The following DZANK1 variants were observed in gnomAD, a reference collection of about 807,000 sequenced individuals.
DZANK1 encodes the protein double zinc ribbon and ankyrin repeat-containing protein 1.
A neutral mutation model predicts 94.5 loss-of-function variants in DZANK1; 91 were observed. That is an observed-to-expected ratio of 0.96 (90% confidence interval 0.81 to 1.15). The LOEUF (loss-of-function observed/expected upper bound fraction) is 1.15. DZANK1 is among the 50% of genes most tolerant of loss of function. The probability of loss-of-function intolerance (pLI) is 0.00; values close to 1 mark genes in which losing one functional copy is unlikely to be tolerated. For synonymous variants in DZANK1, 312 were observed against 325.3 expected (o/e 0.96, Z 0.44); for missense variants, 903 against 916.4 (o/e 0.99, Z 0.19).
At chr20:18,428,415 C>T (rs1378699099) in intron 9 of DZANK1, among the ~76,000 whole-genome samples, 1 of 152,010 alleles carries the variant, frequency 6.6e-6, no homozygotes, top group African/African-American at 2.4e-5. Context: ...TCTCAAACTC[C>T]TGGCCTCGTG....
chr20:18,390,345 C>A, intron 18 of DZANK1, 34 bp downstream of exon 18: 1 of 1,601,014 alleles, frequency 6.2e-7, no homozygotes, highest in Non-Finnish European at 8.6e-7. Context: ...AGGCTGAACT[C>A]TTCAGAGAGA....
chr20:18,426,095 A>G (rs1179258154), intron 10 of DZANK1, among the ~76,000 whole-genome samples: 2 of 152,202 alleles, frequency 1.3e-5, no homozygotes, highest in Non-Finnish European at 2.9e-5. Context: ...GACTGTACTT[A>G]TCTGTGGCTT....
chr20:18,437,443 G>A (rs2058565558), intron 8 of DZANK1, among the ~76,000 whole-genome samples: 1 of 152,070 alleles, frequency 6.6e-6, no homozygotes, highest in African/African-American at 2.4e-5. Flanking sequence ...GCTGGGCATG[G>A]TGGTGCACAC....
At chr20:18,393,629 T>C in intron 17 of DZANK1, 82 bp downstream of exon 17, 1 of 885,072 alleles carries the variant, frequency 1.1e-6, no homozygotes. Context: ...AAATTATTCT[T>C]CCATTTTAAA....
At chr20:18,462,937 T>TAAAAAAAAAAA (rs61694583) in intron 2 of DZANK1, among the ~76,000 whole-genome samples, 8 of 111,296 alleles carry the variant, frequency 7.2e-5, no homozygotes, top group Non-Finnish European at 1.1e-4. Context: ...GACTCGGTCT[T>TAAAAAAAAAAA]AAAAAAAAAA....
chr20:18,437,162 T>C (rs2058554902), intron 8 of DZANK1, among the ~76,000 whole-genome samples: 1 of 152,230 alleles, frequency 6.6e-6, no homozygotes, highest in Non-Finnish European at 1.5e-5. Flanking sequence ...TCTCATCTTC[T>C]TTAAATGACA....
intron 13 of DZANK1, among the ~76,000 whole-genome samples, chr20:18,403,850 A>C (rs1249035867): frequency 7.8e-6 from 1 of 128,468 alleles, no homozygotes; most frequent in African/African-American, 3.1e-5. Flanking sequence ...CCCAGGTAGG[A>C]GTGCAGTGGC....
intron 7 of DZANK1, among the ~76,000 whole-genome samples, chr20:18,444,126 A>G (rs1479004731): frequency 6.6e-6 from 1 of 152,096 alleles, no homozygotes; most frequent in Non-Finnish European, 1.5e-5. Context: ...CCTGTGACCT[A>G]TTGATCTGAA....
intron 14 of DZANK1, 71 bp downstream of exon 14, chr20:18,398,451 GC>G (rs2056482628): frequency 7.0e-7 from 1 of 1,419,312 alleles, no homozygotes; most frequent in African/African-American, 1.4e-5. Context: ...GCAGTTTCAG[GC>G]AAAGTCCATG....
At chr20:18,445,404 A>G (rs1194019490) in intron 7 of DZANK1, among the ~76,000 whole-genome samples, 1 of 152,220 alleles carries the variant, frequency 6.6e-6, no homozygotes, top group Non-Finnish European at 1.5e-5. Context: ...ATATATTTCA[A>G]TACTGCTTTT....
At chr20:18,454,344 C>T (rs1312361229) in intron 4 of DZANK1, 1 of 256,062 alleles carries the variant, frequency 3.9e-6, no homozygotes, top group East Asian at 9.6e-5. Flanking sequence ...TTGCCTTGAT[C>T]ACACTTGAGT....
At chr20:18,444,731 AT>A (rs1215275147) in intron 7 of DZANK1, among the ~76,000 whole-genome samples, 9 of 131,252 alleles carry the variant, frequency 6.9e-5, no homozygotes, top group Admixed American at 6.6e-4. Context: ...GTTGTCAGGT[AT>A]GGTTTTTTTT....
Position 18,397,398 on chromosome 20 carries a change from A to G in DZANK1, c.1537-852T>C, listed in dbSNP as rs529548436. Among the ~76,000 whole-genome samples the G allele has an allele frequency of 5.3e-5, 8 of 152,290 alleles. No individual in the cohort carries two copies. The South Asian group carries it at 1.5e-3, about 28-fold the overall frequency. On this transcript the variant is annotated intron_variant, in intron 14 of 20. Transcript: ENST00000262547. ...CCTCTCACAGAGCTGTCTTTTTATA[A>G]TGGCAATGTAGTATCAAAGAAAGGA...
chr20:18,401,155 T>G (rs1042109453), intron 13 of DZANK1, among the ~76,000 whole-genome samples: 1 of 152,176 alleles, frequency 6.6e-6, no homozygotes, highest in African/African-American at 2.4e-5. Flanking sequence ...CAGGCTGGTC[T>G]CAAACTCCTG....
chr20:18,441,975 C>T lies in DZANK1; in HGVS notation c.747+1372G>A, dbSNP rs562986229. On this transcript the variant is annotated intron_variant, in intron 8 of 20. Transcript: ENST00000262547. This position sits in a 1 kb window ranked among gnomAD's most constrained non-coding sequence, Gnocchi z 4.1. ...AAGAGCAAAGAGACAGGAGAGCACA[C>T]ACCTCTGCATCTCTTTACTGAGACT... 2.0e-5 allele frequency among the ~76,000 whole-genome samples: 3 copies of T among 152,328 alleles called. No individual in the cohort carries two copies. The highest frequency in any genetic ancestry group is 7.2e-5 in the African/African-American group (3 of 41,572).
intron 2 of DZANK1, among the ~76,000 whole-genome samples, chr20:18,464,329 T>A (rs2059573039): frequency 1.3e-5 from 2 of 152,320 alleles, no homozygotes; most frequent in East Asian, 3.9e-4. Flanking sequence ...GTGCTGGGAT[T>A]ACAGGCGTGA....
intron 9 of DZANK1, among the ~76,000 whole-genome samples, chr20:18,429,423 A>G (rs1379091179): frequency 6.6e-6 from 1 of 152,128 alleles, no homozygotes; most frequent in African/African-American, 2.4e-5. Flanking sequence ...TAATTAATAA[A>G]CTTTAAACTT....
Position 18,398,681 on chromosome 20 carries a change from A to G in DZANK1, c.1433-55T>C, listed in dbSNP as rs562949522. On this transcript the variant is annotated intron_variant, in intron 13 of 20. Coordinates refer to ENST00000262547, the Ensembl canonical transcript of DZANK1. Reference sequence around the variant, plus strand: ...GATGATTCTCCTGAGACTAAGAAAGAAAAATGATAGCATGGAACATATGTT... The same window carrying G: ...GATGATTCTCCTGAGACTAAGAAAGGAAAATGATAGCATGGAACATATGTT... 1.7e-5 allele frequency: 25 copies of G among 1,498,660 alleles called. No homozygotes were observed. In the African/African-American group the frequency reaches 3.3e-4, roughly 20 times the overall value. 92.8% of individuals were successfully genotyped at this position (1,498,660 alleles called of 1,614,324 possible). A position where few individuals can be genotyped will look rare whatever the true frequency, so the allele number is the denominator to read the frequency against.
chr20:18,437,925 A>G (rs1323973914), intron 8 of DZANK1, among the ~76,000 whole-genome samples: 2 of 152,136 alleles, frequency 1.3e-5, no homozygotes, highest in East Asian at 3.9e-4. Context: ...ACACAAAAGA[A>G]ATAACACAAA....
Sources: gnomAD v4.1 joint callset for allele counts (sites outside exome capture counted in the v4.1 genomes callset) on GRCh38, gnomAD v4.1.1 for gene constraint, Gnocchi (gnomAD v3.1) non-coding constraint, MANE v1.5 for transcripts, NCBI Gene and HGNC (gene_info 2026-07-23, HGNC 2026-07-21) for gene names.